Variants in HS6ST3 observed in about 807,000 individuals in gnomAD.
The protein encoded by HS6ST3 is heparan-sulfate 6-O-sulfotransferase 3.
In HS6ST3, 12 loss-of-function variants were observed where a neutral mutation model predicts 36.7. The observed-to-expected ratio is 0.33, with a 90% CI of 0.21 to 0.53. HS6ST3 has a LOEUF of 0.53. Among genes scored for constraint, HS6ST3 ranks in the 20% least tolerant of loss-of-function variants. HS6ST3 has a pLI of 0.95. For synonymous variants in HS6ST3, 240 were observed against 257.5 expected (o/e 0.93, Z 0.65); for missense variants, 584 against 640.9 (o/e 0.91, Z 0.96).
At chr13:96,368,513 A>T (rs1925102) in intron 1 of HS6ST3, among the ~76,000 whole-genome samples, 80,516 of 145,816 alleles carry the variant, frequency 0.55, 22,682 homozygotes, top group African/African-American at 0.74. Context: ...TTTTTTTTTT[A>T]AAAAAAAAAC....
At chr13:96,282,876 G>A (rs979158652) in intron 1 of HS6ST3, among the ~76,000 whole-genome samples, 5 of 152,156 alleles carry the variant, frequency 3.3e-5, no homozygotes, top group African/African-American at 1.2e-4. Flanking sequence ...AAGGGCTGTT[G>A]TGATCATGAA....
chr13:96,632,308 TG>T (rs2056534549), intron 1 of HS6ST3, among the ~76,000 whole-genome samples: 1 of 5,770 alleles, frequency 1.7e-4, no homozygotes, highest in Non-Finnish European at 3.8e-3. Context: ...AATAAATTTC[TG>T]TGTTTTTTTT....
chr13:96,116,196 C>T lies in HS6ST3; in HGVS notation c.707+24627C>T, dbSNP rs541462307. ...GCCGCAGGAATTAGCTCTCCTTCAA[C>T]GACTCGAGTGCATAGTCTGTTCACT... is the stretch of plus-strand genomic sequence containing the variant. On this transcript the variant is annotated intron_variant, in intron 1 of 1. Coordinates refer to ENST00000376705, the MANE Select transcript of HS6ST3 (RefSeq NM_153456.4). Among the ~76,000 whole-genome samples, 568 of 152,282 alleles carry T rather than the reference C, an allele frequency of 3.7e-3. 3 individuals carry two copies. The highest frequency in any genetic ancestry group is 0.013 in the African/African-American group (546 of 41,562).
At chr13:96,826,368 T>A (rs892339488) in intron 1 of HS6ST3, among the ~76,000 whole-genome samples, 1 of 152,204 alleles carries the variant, frequency 6.6e-6, no homozygotes, top group Non-Finnish European at 1.5e-5. Context: ...TAGACTTAGT[T>A]ATTAAAATAT....
intron 1 of HS6ST3, among the ~76,000 whole-genome samples, chr13:96,563,206 T>C (rs2056269008): frequency 6.6e-6 from 1 of 152,190 alleles, no homozygotes; most frequent in Non-Finnish European, 1.5e-5. Flanking sequence ...TGGCTGTGGC[T>C]TAGGCAAGGC....
At chr13:96,732,664 G>A (rs1398163050) in intron 1 of HS6ST3, among the ~76,000 whole-genome samples, 1 of 151,944 alleles carries the variant, frequency 6.6e-6, no homozygotes, top group Non-Finnish European at 1.5e-5. Context: ...TTTTAGAACT[G>A]TTTTTTCCAT....
At chr13:96,771,190 A>G (rs570992718) in intron 1 of HS6ST3, among the ~76,000 whole-genome samples, 4 of 146,822 alleles carry the variant, frequency 2.7e-5, no homozygotes, top group African/African-American at 5.0e-5. Flanking sequence ...CCAACACCGC[A>G]TGTTCTCACT....
chr13:96,631,006 T>C (rs573454929), intron 1 of HS6ST3, among the ~76,000 whole-genome samples: 12 of 152,070 alleles, frequency 7.9e-5, no homozygotes, highest in Non-Finnish European at 1.6e-4. Context: ...AATCAATGGG[T>C]TTCAGTACTC....
rs147541907 is a variant in HS6ST3 at position 96,629,484 on chromosome 13, T to A, written c.708-203006T>A. Among the ~76,000 whole-genome samples the A allele has an allele frequency of 4.5e-3, 682 of 152,296 alleles. 3 individuals are homozygous for A. The highest frequency in any genetic ancestry group is 0.015 in the African/African-American group (605 of 41,572). On this transcript the variant is annotated intron_variant, in intron 1 of 1. Coordinates refer to ENST00000376705, the MANE Select transcript of HS6ST3 (RefSeq NM_153456.4). Reference sequence around the variant, plus strand: ...TTTCTGATAATGTCTTTATTTTGCCTTTGTTCTTGAACATTAGTATTGTGG... The same window carrying A: ...TTTCTGATAATGTCTTTATTTTGCCATTGTTCTTGAACATTAGTATTGTGG...
At chr13:96,747,566 T>A (rs980389674) in intron 1 of HS6ST3, among the ~76,000 whole-genome samples, 2 of 152,142 alleles carry the variant, frequency 1.3e-5, no homozygotes, top group African/African-American at 4.8e-5. Flanking sequence ...GTATAATTAA[T>A]GTGATTTTCT....
chr13:96,566,031 T>C (rs577597026), intron 1 of HS6ST3, among the ~76,000 whole-genome samples: 1 of 151,884 alleles, frequency 6.6e-6, no homozygotes, highest in South Asian at 2.1e-4. Context: ...ATTGTATCTG[T>C]GAAGTAAGAA....
chr13:96,695,715 G>A (rs1328857109), intron 1 of HS6ST3, among the ~76,000 whole-genome samples: 1 of 151,770 alleles, frequency 6.6e-6, no homozygotes, highest in East Asian at 1.9e-4. Context: ...AGGATTATAG[G>A]TGTGAGCCAC....
At chr13:96,313,306 C>T (rs2139410263) in intron 1 of HS6ST3, among the ~76,000 whole-genome samples, 1 of 151,700 alleles carries the variant, frequency 6.6e-6, no homozygotes, top group African/African-American at 2.4e-5. Flanking sequence ...TTGCATCCAA[C>T]ATTTTTAGGA....
chr13:96,674,239 C>A (rs1444061462), intron 1 of HS6ST3, among the ~76,000 whole-genome samples: 3 of 152,048 alleles, frequency 2.0e-5, no homozygotes, highest in Non-Finnish European at 4.4e-5. Context: ...GTAAAACAGG[C>A]CTGCTTCCCC....
intron 1 of HS6ST3, among the ~76,000 whole-genome samples, chr13:96,203,750 T>G (rs1036568069): frequency 6.6e-6 from 1 of 152,124 alleles, no homozygotes; most frequent in Non-Finnish European, 1.5e-5. Context: ...TTAAACACTT[T>G]CCTAGTGAAA....
rs138618589 is a variant in HS6ST3 at position 96,198,639 on chromosome 13, A to G, written c.707+107070A>G. 6.2e-4 allele frequency among the ~76,000 whole-genome samples: 95 copies of G among 152,266 alleles called. 2 individuals are homozygous for G. In the East Asian group the frequency reaches 0.018, roughly 28 times the overall value. On this transcript the variant is annotated intron_variant, in intron 1 of 1. Transcript: ENST00000376705. Reference sequence around the variant, plus strand: ...AAATGCTGGCAGTCTCTTTGCTAAAACATAACAAGAGTCACCTTTACTGCA... The same window carrying G: ...AAATGCTGGCAGTCTCTTTGCTAAAGCATAACAAGAGTCACCTTTACTGCA...
chr13:96,433,702 A>G (rs2139476020), intron 1 of HS6ST3, among the ~76,000 whole-genome samples: 1 of 152,246 alleles, frequency 6.6e-6, no homozygotes, highest in Non-Finnish European at 1.5e-5. Context: ...TGAGAGGTTG[A>G]AGTTGGAGGA....
intron 1 of HS6ST3, among the ~76,000 whole-genome samples, chr13:96,306,790 C>G (rs1161172578): frequency 6.6e-6 from 1 of 152,164 alleles, no homozygotes; most frequent in Non-Finnish European, 1.5e-5. Context: ...TAAATTAGCT[C>G]TGTATCTTCA....
chr13:96,720,261 C>T (rs1421749040), intron 1 of HS6ST3, among the ~76,000 whole-genome samples: 1 of 152,162 alleles, frequency 6.6e-6, no homozygotes, highest in Non-Finnish European at 1.5e-5. Flanking sequence ...ATTATAAGCT[C>T]TACAAGACCA....
Sources: allele counts gnomAD v4.1 joint callset (sites outside exome capture counted in the v4.1 genomes callset), GRCh38; gene constraint gnomAD v4.1.1; transcripts MANE v1.5; gene names NCBI Gene and HGNC (gene_info 2026-07-23, HGNC 2026-07-21).